Variants in FOXP1 observed in about 807,000 individuals in gnomAD.
FOXP1 encodes the protein forkhead box P1.
In FOXP1, 15 loss-of-function variants were observed where a neutral mutation model predicts 98.2. That is an observed-to-expected ratio of 0.15 (90% CI 0.10 to 0.24). FOXP1 has a LOEUF of 0.24. FOXP1 is among the 10% of genes least tolerant of loss of function. The probability of loss-of-function intolerance (pLI) is 1.00; values close to 1 mark genes in which losing one functional copy is unlikely to be tolerated. For missense variants in FOXP1, 633 were observed against 848.5 expected, an observed-to-expected ratio of 0.75 and a Z score of 3.15; for synonymous variants, 371 against 314.5, an observed-to-expected ratio of 1.18 and a Z score of -1.90.
intron 7 of FOXP1, 46 bp from the exon 8 acceptor site, chr3:71,053,819 CA>C: frequency 3.7e-6 from 6 of 1,611,788 alleles, no homozygotes; most frequent in Non-Finnish European, 5.1e-6. Context: ...AAATCAGAAG[CA>C]CGCAGCCTCC....
At chr3:71,236,707 A>C (rs1043352221) in intron 5 of FOXP1, among the ~76,000 whole-genome samples, 2 of 151,868 alleles carry the variant, frequency 1.3e-5, no homozygotes, top group African/African-American at 4.8e-5. Context: ...TTATCTCCAC[A>C]AGAGACAATA....
At chr3:71,123,644 T>A (rs746949252) in intron 6 of FOXP1, among the ~76,000 whole-genome samples, 1 of 152,168 alleles carries the variant, frequency 6.6e-6, no homozygotes, top group African/African-American at 2.4e-5. Context: ...ACACTTCACC[T>A]CCATCTAAGT....
At chr3:71,170,848 G>GT (rs1560057964) in intron 6 of FOXP1, among the ~76,000 whole-genome samples, 1 of 152,118 alleles carries the variant, frequency 6.6e-6, no homozygotes, top group African/African-American at 2.4e-5. Flanking sequence ...CCATGGGGCC[G>GT]TCTCTTTCCT....
chr3:70,994,026 GA>G (rs1480821795), intron 13 of FOXP1, among the ~76,000 whole-genome samples: 2 of 150,450 alleles, frequency 1.3e-5, no homozygotes, highest in African/African-American at 2.4e-5. Context: ...AAAAGAAAAA[GA>G]AAAAGAAAAA....
intron 7 of FOXP1, among the ~76,000 whole-genome samples, chr3:71,093,979 T>C (rs898914755): frequency 2.6e-5 from 4 of 152,160 alleles, no homozygotes; most frequent in Admixed American, 1.3e-4. Context: ...TGTTTTCTTG[T>C]TTTTCATGTG....
Position 71,467,181 on chromosome 3 carries a change from GCATA to G in FOXP1, c.-168+26241_-168+26244del, listed in dbSNP as rs369895695. Among the ~76,000 whole-genome samples, 19 of 152,192 alleles carry G rather than the reference GCATA, an allele frequency of 1.2e-4. No individual in the cohort carries two copies. In the East Asian group the frequency reaches 1.9e-3, roughly 15 times the overall value. On this transcript the variant is annotated intron_variant, in intron 3 of 20. Transcript: ENST00000649528. ...CACGTATATATACATACACGTACAT[GCATA>G]CATACTTATGCCTATGCACATACAT...
chr3:71,396,838 A>G (rs868055191), intron 3 of FOXP1, among the ~76,000 whole-genome samples: 2 of 146,178 alleles, frequency 1.4e-5, no homozygotes, highest in Admixed American at 6.9e-5. Flanking sequence ...ATTTCTCCGA[A>G]ACTTTACTCC....
chr3:71,394,931 T>C (rs749675598), intron 3 of FOXP1, among the ~76,000 whole-genome samples: 17 of 151,842 alleles, frequency 1.1e-4, no homozygotes, highest in Non-Finnish European at 1.8e-4. Context: ...AGAAACCTCG[T>C]CTCTACTAAA....
At chr3:71,062,108 C>T (rs986110622) in intron 7 of FOXP1, among the ~76,000 whole-genome samples, 23 of 152,008 alleles carry the variant, frequency 1.5e-4, no homozygotes, top group African/African-American at 5.3e-4. Flanking sequence ...AAGGCAGTGA[C>T]GGTGAGGGTT....
chr3:71,275,864 G>A (rs930783672), intron 5 of FOXP1, among the ~76,000 whole-genome samples: 2 of 151,958 alleles, frequency 1.3e-5, no homozygotes, highest in African/African-American at 4.8e-5. Context: ...TTGTTTTGTT[G>A]TGTTTCCCCG....
intron 6 of FOXP1, among the ~76,000 whole-genome samples, chr3:71,148,375 G>C (rs927332716): frequency 7.3e-6 from 1 of 137,638 alleles, no homozygotes; most frequent in South Asian, 2.7e-4. Context: ...AACGAGACTC[G>C]GTCTCAAAAA....
Position 71,198,195 on chromosome 3 carries a change from C to A in FOXP1, c.180+7G>T, listed in dbSNP as rs766240171. 5.6e-6 allele frequency: 9 copies of A among 1,614,008 alleles called. No individual in the cohort carries two copies. Among genetic ancestry groups the A allele is most frequent in the Non-Finnish European group, 7.6e-6 (9 of 1,180,052 alleles). ...CCTCCACCTCCCAAGACTCCAAAGC[C>A]CAGTACCTGTTGCTGCTGCTGCTGG... On this transcript the variant is annotated splice_region_variant and intron_variant, in intron 6 of 20. Coordinates refer to ENST00000649528, the MANE Select transcript of FOXP1 (RefSeq NM_001349338.3).
intron 3 of FOXP1, among the ~76,000 whole-genome samples, chr3:71,454,681 T>C (rs1265879714): frequency 2.6e-5 from 4 of 152,070 alleles, no homozygotes; most frequent in African/African-American, 7.2e-5. Context: ...AGAAGAACTA[T>C]GATGCAGCTG....
intron 5 of FOXP1, among the ~76,000 whole-genome samples, chr3:71,212,711 C>A (rs896547804): frequency 1.3e-5 from 2 of 152,070 alleles, no homozygotes; most frequent in Admixed American, 6.5e-5. Context: ...AAGATGAATG[C>A]TTTTATTAAT....
At chr3:71,530,343 C>T (rs996859356) in intron 2 of FOXP1, among the ~76,000 whole-genome samples, 9 of 152,276 alleles carry the variant, frequency 5.9e-5, no homozygotes, top group Non-Finnish European at 1.2e-4. Flanking sequence ...CCTCCCGCCA[C>T]GTGATAACCC....
At chr3:71,226,171 A>G (rs2065818485) in intron 5 of FOXP1, among the ~76,000 whole-genome samples, 1 of 152,184 alleles carries the variant, frequency 6.6e-6, no homozygotes, top group Non-Finnish European at 1.5e-5. Context: ...CCTCTGAGGA[A>G]AAGAAGTTGA....
intron 14 of FOXP1, among the ~76,000 whole-genome samples, chr3:70,979,345 G>GCTCA (rs2038367879): frequency 7.4e-6 from 1 of 135,286 alleles, no homozygotes. Flanking sequence ...AATGAGCACT[G>GCTCA]TTTCAATTTA....
At chr3:71,582,785 C>T in intron 1 of FOXP1, 1 of 985,050 alleles carries the variant, frequency 1.0e-6, no homozygotes, top group Non-Finnish European at 1.2e-6. Flanking sequence ...GCTGGGGGTG[C>T]GCAGGTGCGT....
intron 5 of FOXP1, among the ~76,000 whole-genome samples, chr3:71,298,850 C>T (rs1247760353): frequency 6.6e-6 from 1 of 152,172 alleles, no homozygotes; most frequent in East Asian, 1.9e-4. Context: ...CTCTGTTCAA[C>T]TCAATAATAA....
Sources: allele counts gnomAD v4.1 joint callset (sites outside exome capture counted in the v4.1 genomes callset), GRCh38; gene constraint gnomAD v4.1.1; transcripts MANE v1.5; gene names NCBI Gene and HGNC (gene_info 2026-07-23, HGNC 2026-07-21).